Variants in LRRC37A observed in about 807,000 individuals in gnomAD.
The protein encoded by LRRC37A is leucine rich repeat containing 37A.
A neutral mutation model predicts 35.4 loss-of-function variants in LRRC37A; 3 were observed. The ratio of observed to expected loss-of-function variants is 0.08; its 90% CI spans 0.04 to 0.22. The LOEUF is 0.22. LRRC37A is among the 10% of genes least tolerant of loss of function. LRRC37A has a pLI of 1.00. For missense variants in LRRC37A, 67 were observed against 565.3 expected (o/e 0.12, Z 8.94); for synonymous variants, 23 against 215.0 (o/e 0.11, Z 7.81).
the LRRC37A span, among the ~76,000 whole-genome samples, chr17:46,256,202 T>C: frequency 0.14 from 21,167 of 150,796 alleles, 2,073 homozygotes; most frequent in Non-Finnish European, 0.21. Flanking sequence ...CTGGGCAATA[T>C]GGTGAAAAGC....
chr17:46,289,053 T>A (rs1280071920), upstream of LRRC37A, among the ~76,000 whole-genome samples: 13 of 152,178 alleles, frequency 8.5e-5, no homozygotes, highest in Non-Finnish European at 2.9e-5. Flanking sequence ...GTGCATCTCT[T>A]CTGCTATCCT....
the LRRC37A span, among the ~76,000 whole-genome samples, chr17:46,282,889 C>T: frequency 0.042 from 5,491 of 129,690 alleles, 1 homozygote; most frequent in Middle Eastern, 0.081. Flanking sequence ...GAGGCCGAAG[C>T]GAGCGGATCA....
the LRRC37A span, among the ~76,000 whole-genome samples, chr17:46,263,550 C>CAAAAAA: frequency 1.3e-3 from 83 of 63,634 alleles, 1 homozygote; most frequent in Admixed American, 2.4e-3. Flanking sequence ...GACTCTGTCT[C>CAAAAAA]AAAAAAAAAA....
the LRRC37A span, among the ~76,000 whole-genome samples, chr17:46,263,768 C>T: frequency 9.3e-5 from 14 of 150,816 alleles, no homozygotes; most frequent in African/African-American, 2.4e-4. Context: ...GCAGGAGAAT[C>T]GCTTGAACCT....
the LRRC37A span, among the ~76,000 whole-genome samples, chr17:46,257,407 C>T: frequency 4.1e-5 from 6 of 146,898 alleles, no homozygotes; most frequent in Admixed American, 1.4e-4. Flanking sequence ...GAGCCAAGAT[C>T]GTGCCACTGC....
At chr17:46,250,501 G>A in the LRRC37A span, among the ~76,000 whole-genome samples, 1 of 152,226 alleles carries the variant, frequency 6.6e-6, no homozygotes, top group African/African-American at 2.4e-5. Flanking sequence ...AGCAAGGCTA[G>A]AATATAAGCA....
the LRRC37A span, among the ~76,000 whole-genome samples, chr17:46,254,135 C>A: frequency 6.6e-6 from 1 of 152,168 alleles, no homozygotes; most frequent in African/African-American, 2.4e-5. Flanking sequence ...GATTTGCCTC[C>A]CTTGCCTGCG....
intron 5 of LRRC37A, among the ~76,000 whole-genome samples, chr17:46,317,172 A>T (rs1458428025): frequency 7.7e-4 from 65 of 84,388 alleles, no homozygotes; most frequent in Middle Eastern, 6.0e-3. Context: ...CGCTCCTCAC[A>T]TCCCAGACGG....
At chr17:46,248,763 G>T in the LRRC37A span, among the ~76,000 whole-genome samples, 1 of 151,890 alleles carries the variant, frequency 6.6e-6, no homozygotes, top group African/African-American at 2.4e-5. Flanking sequence ...CAAGTGATCC[G>T]CCCGCCTTGG....
chr17:46,282,802 C>G, the LRRC37A span, among the ~76,000 whole-genome samples: 18,349 of 151,934 alleles, frequency 0.12, no homozygotes, highest in Non-Finnish European at 0.18. Flanking sequence ...GAGAAAGCAC[C>G]CCGTGGCTTT....
chr17:46,282,674 G>A, the LRRC37A span, among the ~76,000 whole-genome samples: 6 of 151,440 alleles, frequency 4.0e-5, no homozygotes, highest in Non-Finnish European at 8.8e-5. Flanking sequence ...CTCCCCACTC[G>A]GCTTCCCAAA....
At chr17:46,267,003 C>G in the LRRC37A span, 1 of 165,906 alleles carries the variant, frequency 6.0e-6, no homozygotes, top group Non-Finnish European at 1.3e-5. Context: ...GTGCCGGCCC[C>G]CGGCTCGCCG....
the LRRC37A span, among the ~76,000 whole-genome samples, chr17:46,256,856 A>G: frequency 1.3e-5 from 2 of 152,074 alleles, no homozygotes; most frequent in African/African-American, 4.8e-5. Context: ...GAGGCACAGA[A>G]CCCTTCGAAA....
the LRRC37A span, among the ~76,000 whole-genome samples, chr17:46,275,805 A>T: frequency 6.6e-6 from 1 of 152,240 alleles, no homozygotes; most frequent in South Asian, 2.1e-4. Flanking sequence ...GGGAAAAATT[A>T]TGCTAAAACA....
At chr17:46,287,021 ACTTAAAT>A in the LRRC37A span, among the ~76,000 whole-genome samples, 1 of 152,220 alleles carries the variant, frequency 6.6e-6, no homozygotes, top group African/African-American at 2.4e-5. Flanking sequence ...GCTGCATGGT[ACTTAAAT>A]CTGTCTTCCC....
the LRRC37A span, among the ~76,000 whole-genome samples, chr17:46,261,795 G>A: frequency 2.0e-5 from 3 of 151,564 alleles, no homozygotes; most frequent in Non-Finnish European, 4.4e-5. Flanking sequence ...AAAATATTAA[G>A]ATCTGATAAA....
intron 2 of LRRC37A, among the ~76,000 whole-genome samples, chr17:46,302,332 C>A: frequency 3.6e-5 from 1 of 27,558 alleles, no homozygotes; most frequent in Non-Finnish European, 1.5e-4. Flanking sequence ...TTGGTGCCAC[C>A]CAGAGTTGGA....
the LRRC37A span, among the ~76,000 whole-genome samples, chr17:46,273,949 G>A: frequency 6.6e-6 from 1 of 152,270 alleles, no homozygotes; most frequent in Non-Finnish European, 1.5e-5. Flanking sequence ...TGAAGGCAAT[G>A]TGTATCTTGT....
At chr17:46,273,410 T>G in the LRRC37A span, among the ~76,000 whole-genome samples, 1 of 152,256 alleles carries the variant, frequency 6.6e-6, no homozygotes, top group Non-Finnish European at 1.5e-5. Context: ...CAAAAAGGAA[T>G]GGGCTTCATT....
Sources: gnomAD v4.1 joint callset for allele counts (sites outside exome capture counted in the v4.1 genomes callset) on GRCh38, gnomAD v4.1.1 for gene constraint, MANE v1.5 for transcripts, NCBI Gene and HGNC (gene_info 2026-07-23, HGNC 2026-07-21) for gene names.